The following TLK1 variants were observed in gnomAD, a reference collection of about 807,000 sequenced individuals.
The protein encoded by TLK1 is serine/threonine-protein kinase tousled-like 1.
A neutral mutation model predicts 105.3 loss-of-function variants in TLK1; 24 were observed. The ratio of observed to expected loss-of-function variants is 0.23; its 90% confidence interval spans 0.17 to 0.32. The LOEUF (loss-of-function observed/expected upper bound fraction) is 0.32, where lower values mean the gene tolerates loss of function less well. TLK1 is among the 10% of genes least tolerant of loss of function. The pLI is 1.00. For synonymous variants in TLK1, 321 were observed against 310.4 expected (o/e 1.03, Z -0.36); for missense variants, 558 against 910.5 (o/e 0.61, Z 4.98).
At chr2:171,196,931 G>A (rs1693286862) in intron 1 of TLK1, among the ~76,000 whole-genome samples, 1 of 152,142 alleles carries the variant, frequency 6.6e-6, no homozygotes, top group Non-Finnish European at 1.5e-5. Context: ...TACTTTCATA[G>A]TCTTTTTCAA....
intron 18 of TLK1, 134 bp downstream of exon 18, chr2:171,006,013 C>T: frequency 2.3e-6 from 2 of 873,896 alleles, no homozygotes; most frequent in Non-Finnish European, 3.2e-6. Context: ...TCCCTCTCAA[C>T]TGAGAGCTTA....
intron 1 of TLK1, among the ~76,000 whole-genome samples, chr2:171,158,351 C>T (rs990931766): frequency 6.6e-6 from 1 of 151,992 alleles, no homozygotes; most frequent in African/African-American, 2.4e-5. Context: ...TCTAAACTGC[C>T]GGAAAAAATT....
chr2:171,104,663 T>C (rs978049010), intron 2 of TLK1, among the ~76,000 whole-genome samples: 6 of 151,962 alleles, frequency 3.9e-5, no homozygotes, highest in African/African-American at 4.8e-5. Context: ...TACACTACAA[T>C]GTTCACCATG....
chr2:171,035,024 C>T (rs1385860758), intron 11 of TLK1, among the ~76,000 whole-genome samples: 1 of 151,950 alleles, frequency 6.6e-6, no homozygotes, highest in East Asian at 1.9e-4. Flanking sequence ...GAGTGAGTCT[C>T]ACAAGATCTG....
chr2:171,132,290 G>A (rs1042535902), intron 1 of TLK1, among the ~76,000 whole-genome samples: 1 of 152,104 alleles, frequency 6.6e-6, no homozygotes, highest in African/African-American at 2.4e-5. Context: ...GACCCAGCAT[G>A]TGGGAAAGCG....
At chr2:171,084,087 C>CA (rs1233106136) in intron 2 of TLK1, among the ~76,000 whole-genome samples, 10 of 152,082 alleles carry the variant, frequency 6.6e-5, no homozygotes, top group African/African-American at 1.9e-4. Flanking sequence ...CCCCTCAAAA[C>CA]ATCAGATGGA....
chr2:171,015,089 C>A, intron 12 of TLK1, 141 bp from the exon 13 acceptor site: 1 of 646,284 alleles, frequency 1.5e-6, no homozygotes, highest in South Asian at 2.1e-5. Context: ...GACCAAAGTG[C>A]TCTTTTCAAT....
At chr2:171,022,273 G>A (rs1479136717) in intron 12 of TLK1, among the ~76,000 whole-genome samples, 1 of 152,054 alleles carries the variant, frequency 6.6e-6, no homozygotes, top group African/African-American at 2.4e-5. Context: ...AGATAAGAAC[G>A]TAAACACTGA....
intron 2 of TLK1, among the ~76,000 whole-genome samples, chr2:171,109,473 G>A (rs1690068698): frequency 6.6e-6 from 1 of 152,040 alleles, no homozygotes. Flanking sequence ...AACAAGAAAA[G>A]TTAAAATAAA....
rs112221350 is a variant in TLK1, at chr2:171,121,358, C to T, written c.140-3501G>A. Among the ~76,000 whole-genome samples the T allele has an allele frequency of 2.6e-5, 4 of 152,182 alleles. No homozygotes were observed. In the South Asian group the frequency reaches 6.2e-4, roughly 24 times the overall value. On this transcript the variant is annotated intron_variant, in intron 1 of 20. Coordinates refer to ENST00000431350, the MANE Select transcript of TLK1 (RefSeq NM_012290.5). ...ATCAGCCTGAGCAACGTGGCAAAAC[C>T]CTGTCTCTACAAAAAATACAAAAAT...
At chr2:171,036,212 A>C (rs907449393) in intron 11 of TLK1, among the ~76,000 whole-genome samples, 6 of 152,202 alleles carry the variant, frequency 3.9e-5, no homozygotes, top group African/African-American at 1.4e-4. Flanking sequence ...TGGGAGGCCA[A>C]GGCGGGTGAA....
rs375333759 is a variant in TLK1, at chr2:170,991,164, A to C, written c.*2616T>G. ...GAAAGATTTTAAAATCATATGCAAAAACTGTTGATTTTACCCTACATCAGT... is the reference window on the plus strand; with the variant it reads ...GAAAGATTTTAAAATCATATGCAAACACTGTTGATTTTACCCTACATCAGT... On this transcript the variant is annotated 3_prime_UTR_variant, in exon 21 of 21. Transcript: ENST00000431350. 6.6e-6 allele frequency: 1 copy of C among 152,192 alleles called. No individual in the cohort carries two copies. The highest frequency in any genetic ancestry group is 1.9e-4 in the East Asian group (1 of 5,202). The allele number at this position is 152,192 out of a possible 1,614,324, so 9.4% of individuals were successfully genotyped here.
chr2:171,125,532 G>A (rs544344113), intron 1 of TLK1, among the ~76,000 whole-genome samples: 2 of 151,822 alleles, frequency 1.3e-5, no homozygotes, highest in Admixed American at 6.5e-5. Flanking sequence ...TCAAAACACC[G>A]TCAAGCAATA....
At chr2:171,149,026 C>G (rs888255520) in intron 1 of TLK1, among the ~76,000 whole-genome samples, 22 of 143,746 alleles carry the variant, frequency 1.5e-4, no homozygotes, top group African/African-American at 5.4e-4. Flanking sequence ...TTGTTGGTCT[C>G]ATTTCTTGTC....
In TLK1 at chr2:170,995,775, T is replaced by C. The variant is rs538883488; in HGVS notation, c.2124+878A>G. ...AGGAGTGCAGTGGTGCGATCTCACC[T>C]CACTGCAACCTCTACCTCTTGGTCT... On this transcript the variant is annotated intron_variant, in intron 20 of 20. Coordinates refer to ENST00000431350, the MANE Select transcript of TLK1 (RefSeq NM_012290.5). Among the ~76,000 whole-genome samples the C allele has an allele frequency of 3.3e-5, 5 of 152,320 alleles. 1 individual carries two copies. The highest frequency in any genetic ancestry group is 2.6e-4 in the Admixed American group (4 of 15,304).
intron 3 of TLK1, among the ~76,000 whole-genome samples, chr2:171,074,262 A>G (rs1688397372): frequency 6.6e-6 from 1 of 152,196 alleles, no homozygotes; most frequent in South Asian, 2.1e-4. Flanking sequence ...CTTTCAAGAC[A>G]TCATTACTGT....
At chr2:171,027,032 T>A (rs766723296) in intron 12 of TLK1, among the ~76,000 whole-genome samples, 1 of 152,270 alleles carries the variant, frequency 6.6e-6, no homozygotes, top group East Asian at 1.9e-4. Flanking sequence ...TAGACAGATA[T>A]AGCATATTAA....
chr2:171,197,007 A>G (rs144047644), intron 1 of TLK1, among the ~76,000 whole-genome samples: 2,323 of 152,362 alleles, frequency 0.015, 44 homozygotes, highest in Middle Eastern at 0.024. Context: ...TAGTTGGACT[A>G]GAAAAACGAA....
chr2:171,105,826 C>G (rs1447856690), intron 2 of TLK1, among the ~76,000 whole-genome samples: 1 of 151,964 alleles, frequency 6.6e-6, no homozygotes, highest in African/African-American at 2.4e-5. Flanking sequence ...AAAGATACAA[C>G]TACCATATGA....
Sources: allele counts gnomAD v4.1 joint callset (sites outside exome capture counted in the v4.1 genomes callset), GRCh38; gene constraint gnomAD v4.1.1; transcripts MANE v1.5; gene names NCBI Gene and HGNC (gene_info 2026-07-23, HGNC 2026-07-21).